SCARF1: variants seen among roughly 807,000 people sequenced by gnomAD.
SCARF1 encodes scavenger receptor class F member 1.
SCARF1 carries 49 observed loss-of-function variants against 76.3 expected under a neutral mutation model. That is an observed-to-expected ratio of 0.64 (90% CI 0.51 to 0.81). SCARF1 has a LOEUF of 0.81. Ranked by LOEUF, SCARF1 falls within the 40% of genes least tolerant of loss-of-function variation. SCARF1 has a pLI of 0.00. For missense variants in SCARF1, 1,098 were observed against 1,143.9 expected, an observed-to-expected ratio of 0.96 and a Z score of 0.58; for synonymous variants, 495 against 474.6, an observed-to-expected ratio of 1.04 and a Z score of -0.56.
At position 1,636,796 on chromosome 17, in the gene SCARF1, C is replaced by T. The variant is rs746737031; in HGVS notation, c.1546G>A (p.Gly516Ser). The T allele has an allele frequency of 1.8e-5, 29 of 1,613,702 alleles. No individual in the cohort carries two copies. The highest frequency in any genetic ancestry group is 2.2e-5 in the South Asian group (2 of 91,062). ...NHSFIEPPSA[G>S]WATDDSFSSD... Reference sequence around the variant, plus strand: ...GAGAAGGAGTCATCAGTGGCCCAGCCGGCAGAGGGCGGCTCGATGAAGCTG... The same window carrying T: ...GAGAAGGAGTCATCAGTGGCCCAGCTGGCAGAGGGCGGCTCGATGAAGCTG... The change falls in exon 10 of 11, where the codon GGC (glycine) becomes AGC (serine). Residue 516 changes from glycine (G) to serine (S), a missense_variant. Transcript: ENST00000263071.
Position 1,640,474 on chromosome 17 carries a change from G to A in SCARF1, c.984C>T (p.Arg328=), listed in dbSNP as rs367713037. The change falls in exon 5 of 11, where the codon CGC becomes CGT. Residue 328 remains arginine, a synonymous_variant. Coordinates refer to ENST00000263071, the MANE Select transcript of SCARF1 (RefSeq NM_003693.4). The surrounding 1 kb of genome is among the most constrained non-coding windows in gnomAD (Gnocchi z 4.7). ...ACEPDTGHCQ[R]CDPGWLGPRC... ...TGGGCCCCAGCCAGCCAGGGTCACA[G>A]CGCTGACAGTGGCCAGTATCTGGCT... 11 of 1,565,756 alleles carry A rather than the reference G, an allele frequency of 7.0e-6. No homozygotes were observed. The highest frequency in any genetic ancestry group is 9.5e-6 in the Non-Finnish European group (11 of 1,155,224).
Position 1,639,499 on chromosome 17 carries a change from C to T in SCARF1, c.1243+140G>A, listed in dbSNP as rs1598517950. 9.5e-6 allele frequency: 6 copies of T among 632,850 alleles called. No individual in the cohort carries two copies. The Admixed American group carries it at 1.1e-4, about 12-fold the overall frequency. The allele number at this position is 632,850 out of a possible 1,614,324, so 39.2% of individuals were successfully genotyped here. On this transcript the variant is annotated intron_variant, in intron 7 of 10. Transcript: ENST00000263071. ...TGGCCTGGGTGACAGAGCAAGACCT[C>T]GTCTTAAGGGAAAAAAAAAAAAAAA... is the stretch of plus-strand genomic sequence containing the variant.
chr17:1,638,656 G>A (rs1393401659), intron 8 of SCARF1, 150 bp downstream of exon 8: 1 of 1,077,870 alleles, frequency 9.3e-7, no homozygotes, highest in South Asian at 2.3e-5. Context: ...TGACCCACGG[G>A]GGCGACAAGG....
rs1245474752 is a variant in SCARF1, at chr17:1,643,590, A to G, written c.643T>C (p.Trp215Arg). The change falls in exon 4 of 11, where the codon TGG becomes CGG. Residue 215 changes from tryptophan (W) to arginine (R), a missense_variant. Coordinates refer to ENST00000263071, the MANE Select transcript of SCARF1 (RefSeq NM_003693.4). ...CACTGCTGCTGGCATTCGGGACCCC[A>G]CCAGCCCGGCCGGCAGGCGCAGCGG... ...SGRCACRPGW[W>R]GPECQQQCEC... The G allele has an allele frequency of 2.7e-6, 4 of 1,470,074 alleles. No individual in the cohort carries two copies. The highest frequency in any genetic ancestry group is 3.6e-6 in the Non-Finnish European group (4 of 1,118,210). The allele number at this position is 1,470,074 out of a possible 1,614,324, so 91.1% of individuals were successfully genotyped here.
rs1164458718 is a variant in SCARF1, at chr17:1,640,757, G to C, written c.792-91C>G. ...CCCTGTACTCCACGCAGGCCTTCGG[G>C]GGCCCTGGAGAGTGTTCGGGTCCCA... On this transcript the variant is annotated intron_variant, in intron 4 of 10. Transcript: ENST00000263071. The surrounding 1 kb of genome is among the most constrained non-coding windows in gnomAD (Gnocchi z 4.7). The C allele has an allele frequency of 1.6e-6, 2 of 1,254,456 alleles. No individual in the cohort carries two copies. Among genetic ancestry groups the C allele is most frequent in the Non-Finnish European group, 2.3e-6 (2 of 884,370 alleles). 77.7% of individuals were successfully genotyped at this position (1,254,456 alleles called of 1,614,324 possible). A position where few individuals can be genotyped will look rare whatever the true frequency, so the allele number is the denominator to read the frequency against.
intron 4 of SCARF1, among the ~76,000 whole-genome samples, chr17:1,643,068 C>G (rs1391007788): frequency 6.6e-6 from 1 of 152,054 alleles, no homozygotes; most frequent in East Asian, 1.9e-4. Context: ...AAGCCCTGAC[C>G]CCTCCTCCCG....
At chr17:1,642,504 G>A (rs547588287) in intron 4 of SCARF1, among the ~76,000 whole-genome samples, 1 of 151,976 alleles carries the variant, frequency 6.6e-6, no homozygotes. Flanking sequence ...TCCCTACAAA[G>A]GACATGAACT....
Position 1,634,009 on chromosome 17 carries a change from A to G in SCARF1, c.*749T>C, listed in dbSNP as rs1167071240. On this transcript the variant is annotated 3_prime_UTR_variant, in exon 11 of 11. Transcript: ENST00000263071. ...ATACAAAAGTTTCAGAAGAAAATAA[A>G]TATCACCTACAATCTCATCTTCCAG... 2.6e-5 allele frequency: 4 copies of G among 152,222 alleles called. No homozygotes were observed. Among genetic ancestry groups the G allele is most frequent in the African/African-American group, 7.2e-5 (3 of 41,458 alleles). 9.4% of individuals were successfully genotyped at this position (152,222 alleles called of 1,614,324 possible).
rs574254453 is a variant in SCARF1, at chr17:1,645,233, A to C, written c.108T>G (p.Ser36=). 60 of 1,613,310 alleles carry C rather than the reference A, an allele frequency of 3.7e-5. No individual in the cohort carries two copies. The highest frequency in any genetic ancestry group is 4.7e-5 in the Non-Finnish European group (56 of 1,179,948). Residue 36 remains serine (S), a synonymous_variant, in exon 2 of 11, where the codon TCT becomes TCG. Transcript: ENST00000263071. The surrounding 1 kb of genome is among the most constrained non-coding windows in gnomAD (Gnocchi z 6.3). ...GQHVCVASSP[S]AELQCCAGWR... The stretch of plus-strand genomic sequence containing the variant: ...AGCCTGCGCAGCACTGCAGCTCAGC[A>C]GAGGGGCTGTGGGGCAAAAAGGGGT...
In SCARF1 at chr17:1,645,614, G is replaced by A. The variant is rs143791504; in HGVS notation, c.84C>T (p.His28=). The A allele has an allele frequency of 5.0e-4, 798 of 1,607,098 alleles. 7 individuals are homozygous for A. The African/African-American group carries it at 9.2e-3, about 18-fold the overall frequency. The change falls in exon 1 of 11, where the codon CAC becomes CAT. Residue 28 remains histidine, a synonymous_variant. Coordinates refer to ENST00000263071, the MANE Select transcript of SCARF1 (RefSeq NM_003693.4). The surrounding 1 kb of genome is among the most constrained non-coding windows in gnomAD (Gnocchi z 6.3). ...QGSELDPKGQ[H]VCVASSPSAE... ...AGACCCACCTGCTGGCCACACAGAC[G>A]TGCTGCCCTTTGGGGTCCAGCTCGG...
In SCARF1 at chr17:1,640,397, G is replaced by A; in HGVS notation, c.1010+51C>T. On this transcript the variant is annotated intron_variant, in intron 5 of 10. Transcript: ENST00000263071. This position sits in a 1 kb window ranked among gnomAD's most constrained non-coding sequence, Gnocchi z 4.7. The stretch of plus-strand genomic sequence containing the variant: ...TGCTCTCGGAGAGAGCCGCTGAGCT[G>A]AGGGTCCTGGGGGAAGGTGTACCCC... The A allele has an allele frequency of 6.8e-7, 1 of 1,480,184 alleles. No individual in the cohort carries two copies. Among genetic ancestry groups the A allele is most frequent in the Non-Finnish European group, 9.2e-7 (1 of 1,088,042 alleles). 91.7% of individuals were successfully genotyped at this position (1,480,184 alleles called of 1,614,324 possible). A position where few individuals can be genotyped will look rare whatever the true frequency, so the allele number is the denominator to read the frequency against.
At chr17:1,641,252 C>G (rs1910027738) in intron 4 of SCARF1, among the ~76,000 whole-genome samples, 1 of 152,176 alleles carries the variant, frequency 6.6e-6, no homozygotes, top group African/African-American at 2.4e-5. Flanking sequence ...GTGGTGGCCT[C>G]AGATTCTCAT....
intron 8 of SCARF1, 134 bp from the exon 9 acceptor site, chr17:1,637,196 T>C: frequency 1.1e-6 from 1 of 945,188 alleles, no homozygotes; most frequent in Non-Finnish European, 1.6e-6. Flanking sequence ...CAGAATAAAA[T>C]CCAAATGATT....
In SCARF1 at chr17:1,643,547, C is replaced by T. The variant is rs1191905944; in HGVS notation, c.686G>A (p.Arg229His). The T allele has an allele frequency of 7.0e-7, 1 of 1,427,184 alleles. No individual in the cohort carries two copies. The highest frequency in any genetic ancestry group is 9.1e-7 in the Non-Finnish European group (1 of 1,094,004). The allele number at this position is 1,427,184 out of a possible 1,614,324, so 88.4% of individuals were successfully genotyped here. ...GCACTCGCCGGAGGCGGCGCTGCAG[C>T]GGCCCCGCACACACTCGCACTGCTG... ...CQQQCECVRGRCSAASGECTC... is the reference protein window; with the variant it reads ...CQQQCECVRGHCSAASGECTC... Residue 229 changes from arginine (R) to histidine (H), a missense_variant, in exon 4 of 11, where the codon CGC becomes CAC. Physicochemically the swap from Arg to His is conservative, Grantham distance 29. Transcript: ENST00000263071.
In SCARF1 at chr17:1,635,623, A is replaced by G. The variant is rs2151093048; in HGVS notation, c.1634-6T>C. 1 of 1,596,930 alleles carries G rather than the reference A, an allele frequency of 6.3e-7. No homozygotes were observed. On this transcript the variant is annotated splice_region_variant and splice_polypyrimidine_tract_variant and intron_variant, in intron 10 of 10. Transcript: ENST00000263071. The stretch of plus-strand genomic sequence containing the variant: ...CTGGGCCACAGGGACCATCCCTGGC[A>G]GAGGAGACAGAAGAGCTTGGCTGGA...
Position 1,644,602 on chromosome 17 carries a change from A to T in SCARF1, c.265+232T>A, listed in dbSNP as rs1289827730. The T allele has an allele frequency of 3.4e-6, 2 of 593,560 alleles. No individual in the cohort carries two copies. The highest frequency in any genetic ancestry group is 2.8e-5 in the East Asian group (1 of 35,970). 36.8% of individuals were successfully genotyped at this position (593,560 alleles called of 1,614,324 possible). On this transcript the variant is annotated intron_variant, in intron 3 of 10. Transcript: ENST00000263071. This position sits in a 1 kb window ranked among gnomAD's most constrained non-coding sequence, Gnocchi z 4.8. ...AGGTTTTCTGAGAAGTGGAAGAGGA[A>T]GATGCTCAGGTGGGCAGTGCTTTGT...
rs760301484 is a variant in SCARF1 at position 1,636,952 on chromosome 17, G to A, written c.1475C>T (p.Pro492Leu). ...PCRSLSSHKL[P>L]WVTVSHHDPE... ...CAGCGCCCACTGACCTGTCACCCAG[G>A]GTAGCTTGTGGGAGCTGAGGGAACG... The change falls in exon 9 of 11, where the codon CCC (proline) becomes CTC (leucine). Residue 492 changes from proline (P) to leucine (L), a missense_variant. By Grantham distance (98) the Pro-to-Leu change is moderately conservative. Transcript: ENST00000263071. 1.2e-6 allele frequency: 2 copies of A among 1,614,060 alleles called. No homozygotes were observed. Among genetic ancestry groups the A allele is most frequent in the Non-Finnish European group, 1.7e-6 (2 of 1,180,010 alleles).
chr17:1,645,032 T>C lies in SCARF1; in HGVS notation c.164-97A>G, dbSNP rs1910418088. ...CCAGGGGCCATGCCTCCTCAAGAGGTGCCCCTTCAGGCCTGGGGGTGCGTC... is the reference window on the plus strand; with the variant it reads ...CCAGGGGCCATGCCTCCTCAAGAGGCGCCCCTTCAGGCCTGGGGGTGCGTC... On this transcript the variant is annotated intron_variant, in intron 2 of 10. Coordinates refer to ENST00000263071, the MANE Select transcript of SCARF1 (RefSeq NM_003693.4). This position sits in a 1 kb window ranked among gnomAD's most constrained non-coding sequence, Gnocchi z 6.3. 1 of 1,524,098 alleles carries C rather than the reference T, an allele frequency of 6.6e-7. No individual in the cohort carries two copies. The highest frequency in any genetic ancestry group is 1.4e-5 in the African/African-American group (1 of 73,120). The allele number at this position is 1,524,098 out of a possible 1,614,324, so 94.4% of individuals were successfully genotyped here. A position where few individuals can be genotyped will look rare whatever the true frequency, so the allele number is the denominator to read the frequency against.
chr17:1,635,224 G>A lies in SCARF1; in HGVS notation c.2027C>T (p.Ala676Val), dbSNP rs1346319126. 2 of 1,612,640 alleles carry A rather than the reference G, an allele frequency of 1.2e-6. No homozygotes were observed. The highest frequency in any genetic ancestry group is 2.2e-5 in the East Asian group (1 of 44,884). Residue 676 changes from alanine (A) to valine (V), a missense_variant, in exon 11 of 11, where the codon GCC becomes GTC. Physicochemically the swap from Ala to Val is moderately conservative, Grantham distance 64. Coordinates refer to ENST00000263071, the MANE Select transcript of SCARF1 (RefSeq NM_003693.4). ...GGRTVAEHVE[A>V]IEGSVQESSG... Reference sequence around the variant, plus strand: ...GCTCTCCTGGACGCTGCCCTCAATGGCTTCCACGTGCTCAGCCACTGTCCG... The same window carrying A: ...GCTCTCCTGGACGCTGCCCTCAATGACTTCCACGTGCTCAGCCACTGTCCG...
Sources: gnomAD v4.1 joint callset for allele counts (sites outside exome capture counted in the v4.1 genomes callset) on GRCh38, gnomAD v4.1.1 for gene constraint, Gnocchi (gnomAD v3.1) non-coding constraint, MANE v1.5 for transcripts, NCBI Gene and HGNC (gene_info 2026-07-23, HGNC 2026-07-21) for gene names.